CELF2: variants seen among roughly 807,000 people sequenced by gnomAD.
CELF2 encodes the protein CUG triplet repeat RNA-binding protein 2.
CELF2 carries 8 observed loss-of-function variants against 62.6 expected under a neutral mutation model. The ratio of observed to expected loss-of-function variants is 0.13; its 90% CI spans 0.07 to 0.23. The LOEUF (loss-of-function observed/expected upper bound fraction) is 0.23, where lower values mean the gene tolerates loss of function less well. Ranked by LOEUF, CELF2 falls within the 10% of genes least tolerant of loss-of-function variation. The pLI is 1.00. For missense variants in CELF2, 333 were observed against 671.0 expected, an observed-to-expected ratio of 0.50 and a Z score of 5.56; for synonymous variants, 258 against 250.0, an observed-to-expected ratio of 1.03 and a Z score of -0.30.
the CELF2 span, among the ~76,000 whole-genome samples, chr10:10,596,216 A>C: frequency 9.7e-4 from 147 of 151,850 alleles, no homozygotes; most frequent in African/African-American, 3.2e-3. Flanking sequence ...TGAGAAAGCA[A>C]GACTTTTGGA....
At chr10:10,492,322 T>C in the CELF2 span, among the ~76,000 whole-genome samples, 4 of 152,204 alleles carry the variant, frequency 2.6e-5, no homozygotes, top group African/African-American at 9.6e-5. Flanking sequence ...CTGATTAGTC[T>C]GTCTCTCCAG....
chr10:11,326,343 C>G (rs17454740), intron 12 of CELF2, among the ~76,000 whole-genome samples: 11,694 of 152,346 alleles, frequency 0.077, 589 homozygotes, highest in Non-Finnish European at 0.11. Context: ...AAGACACTTT[C>G]ACAGACAGAC....
intron 9 of CELF2, among the ~76,000 whole-genome samples, chr10:11,313,403 A>G (rs1391904412): frequency 6.6e-6 from 1 of 152,240 alleles, no homozygotes; most frequent in African/African-American, 2.4e-5. Context: ...AATGTTTTCC[A>G]TTTTAGAAGT....
At chr10:11,312,492 C>T (rs2094616051) in intron 9 of CELF2, among the ~76,000 whole-genome samples, 1 of 152,204 alleles carries the variant, frequency 6.6e-6, no homozygotes, top group African/African-American at 2.4e-5. Context: ...TTAAAGTATT[C>T]TCAGATCCTT....
intron 1 of CELF2, among the ~76,000 whole-genome samples, chr10:10,891,015 CA>C (rs2062101146): frequency 7.2e-6 from 1 of 138,990 alleles, no homozygotes; most frequent in Non-Finnish European, 1.5e-5. Flanking sequence ...GACTTCATCT[CA>C]AAAAAACAAA....
intron 1 of CELF2, among the ~76,000 whole-genome samples, chr10:10,910,732 AAAAG>A (rs896435654): frequency 4.6e-5 from 7 of 151,900 alleles, no homozygotes; most frequent in Non-Finnish European, 8.8e-5. Context: ...AAAGAAAAGA[AAAAG>A]AAACACAAGT....
intron 1 of CELF2, among the ~76,000 whole-genome samples, chr10:10,902,912 A>G (rs2063044425): frequency 1.6e-5 from 2 of 124,934 alleles, no homozygotes. Flanking sequence ...AGGGAGGGAG[A>G]AGAGGGAGGG....
At chr10:10,699,485 G>C in the CELF2 span, among the ~76,000 whole-genome samples, 1 of 152,338 alleles carries the variant, frequency 6.6e-6, no homozygotes, top group South Asian at 2.1e-4. Context: ...TCTCAGCACT[G>C]TATGGATAAG....
chr10:10,951,298 C>T (rs1369575099), intron 2 of CELF2, among the ~76,000 whole-genome samples: 1 of 152,058 alleles, frequency 6.6e-6, no homozygotes, highest in Non-Finnish European at 1.5e-5. Flanking sequence ...CATGCACCAC[C>T]ACACCCAGCT....
At chr10:10,855,595 T>A (rs887037121) in intron 1 of CELF2, among the ~76,000 whole-genome samples, 1 of 152,198 alleles carries the variant, frequency 6.6e-6, no homozygotes, top group Non-Finnish European at 1.5e-5. Flanking sequence ...GTTTCTGACA[T>A]AACAAAGAAA....
At chr10:10,814,513 G>A (rs2056261319) in intron 1 of CELF2, among the ~76,000 whole-genome samples, 1 of 152,178 alleles carries the variant, frequency 6.6e-6, no homozygotes, top group Non-Finnish European at 1.5e-5. Context: ...AACCACAGCA[G>A]CGCCGTAGTA....
chr10:11,149,703 A>C (rs17149633), intron 1 of CELF2, among the ~76,000 whole-genome samples: 9,270 of 152,210 alleles, frequency 0.061, 347 homozygotes, highest in African/African-American at 0.11. Context: ...GAACGTTTCC[A>C]AGCTGTCCAC....
chr10:11,203,767 T>A (rs903116143), intron 2 of CELF2, among the ~76,000 whole-genome samples: 4 of 152,154 alleles, frequency 2.6e-5, no homozygotes, highest in African/African-American at 9.7e-5. Flanking sequence ...GCCATCCCCA[T>A]TTTGGGGGTC....
chr10:10,492,107 T>C, the CELF2 span, among the ~76,000 whole-genome samples: 1 of 152,198 alleles, frequency 6.6e-6, no homozygotes, highest in Admixed American at 6.5e-5. Flanking sequence ...CAGAGACTAG[T>C]TATTGGTGAT....
rs775841319 is a variant in CELF2, at chr10:11,216,409, C to T, written c.272-1016C>T. The stretch of plus-strand genomic sequence containing the variant: ...AAAGCCAAAATAAAATACATACAGT[C>T]TTGGTGAGTGCATCACTTTACTTTT... On this transcript the variant is annotated intron_variant, in intron 2 of 12. Coordinates refer to ENST00000633077, the MANE Select transcript of CELF2 (RefSeq NM_001326342.2). 7.2e-5 allele frequency among the ~76,000 whole-genome samples: 11 copies of T among 152,330 alleles called. No individual in the cohort carries two copies. In the East Asian group the frequency reaches 9.6e-4, roughly 13 times the overall value.
the CELF2 span, among the ~76,000 whole-genome samples, chr10:10,464,134 G>A: frequency 9.9e-5 from 15 of 152,114 alleles, no homozygotes; most frequent in African/African-American, 2.9e-4. Flanking sequence ...GGTCCTCACC[G>A]GTGCCCCCAG....
chr10:10,507,189 C>G, the CELF2 span, among the ~76,000 whole-genome samples: 1 of 152,060 alleles, frequency 6.6e-6, no homozygotes, highest in East Asian at 1.9e-4. Context: ...TTTTAATAAA[C>G]AGCCAGTTTT....
Position 11,267,982 on chromosome 10 carries a change from C to T in CELF2, c.618+1305C>T, listed in dbSNP as rs548380326. On this transcript the variant is annotated intron_variant, in intron 6 of 12. Transcript: ENST00000633077. The surrounding 1 kb of genome is among the most constrained non-coding windows in gnomAD (Gnocchi z 4.4). ...CTTTCAGTGCAATGCATTTTTAAGA[C>T]ACTCACAACCCCCTACCTGAAGGCA... is the stretch of plus-strand genomic sequence containing the variant. 2.8e-4 allele frequency among the ~76,000 whole-genome samples: 42 copies of T among 152,182 alleles called. No homozygotes were observed. Among genetic ancestry groups the T allele is most frequent in the Middle Eastern group, 6.8e-3 (2 of 294 alleles).
chr10:10,778,984 T>C, the CELF2 span, among the ~76,000 whole-genome samples: 1 of 152,108 alleles, frequency 6.6e-6, no homozygotes, highest in African/African-American at 2.4e-5. Flanking sequence ...TTATACACTA[T>C]CTCCACTGAA....
Sources: allele counts gnomAD v4.1 joint callset (sites outside exome capture counted in the v4.1 genomes callset), GRCh38; gene constraint gnomAD v4.1.1; non-coding constraint Gnocchi (gnomAD v3.1); transcripts MANE v1.5; gene names NCBI Gene and HGNC (gene_info 2026-07-23, HGNC 2026-07-21).